LINGO1: variants seen among roughly 807,000 people sequenced by gnomAD.
LINGO1 encodes the protein leucine-rich repeat and immunoglobulin-like domain-containing nogo receptor-interacting protein 1.
Under a neutral mutation model 37.3 loss-of-function variants are expected in LINGO1, and 11 were observed. That is an observed-to-expected ratio of 0.29 (90% CI 0.19 to 0.49). The LOEUF is 0.49. Among genes scored for constraint, LINGO1 ranks in the 20% least tolerant of loss-of-function variants. LINGO1 has a pLI of 0.99. For synonymous variants in LINGO1, 387 were observed against 403.0 expected (o/e 0.96, Z 0.48); for missense variants, 585 against 878.2 (o/e 0.67, Z 4.22).
At chr15:77,699,978 C>G (rs1313700052), upstream of LINGO1, among the ~76,000 whole-genome samples, 3 of 152,190 alleles carry the variant, frequency 2.0e-5, no homozygotes, top group East Asian at 5.8e-4. Context: ...TGACAGATGC[C>G]TCAGGGTGCA....
At chr15:77,701,746 C>T (rs528959457) in intron 2 of LINGO1, among the ~76,000 whole-genome samples, 1 of 152,308 alleles carries the variant, frequency 6.6e-6, no homozygotes, top group East Asian at 1.9e-4. Flanking sequence ...TCATGCGATG[C>T]CAGCTCCCCT....
intron 2 of LINGO1, among the ~76,000 whole-genome samples, chr15:77,712,275 T>G (rs1222817976): frequency 6.6e-6 from 1 of 151,476 alleles, no homozygotes; most frequent in Non-Finnish European, 1.5e-5. Context: ...GCCCTCCAGC[T>G]CCTCTCCTTA....
chr15:77,697,052 G>T (rs1567529954), upstream of LINGO1, among the ~76,000 whole-genome samples: 1 of 152,272 alleles, frequency 6.6e-6, no homozygotes, highest in African/African-American at 2.4e-5. Flanking sequence ...CCAGGTCAGA[G>T]GAGCAGAGAG....
At chr15:77,625,093 TG>T (rs1410665986) in intron 1 of LINGO1, among the ~76,000 whole-genome samples, 1 of 152,104 alleles carries the variant, frequency 6.6e-6, no homozygotes, top group Non-Finnish European at 1.5e-5. Context: ...CCTCTCTATT[TG>T]GGAACAGCTC....
intron 1 of LINGO1, among the ~76,000 whole-genome samples, chr15:77,750,022 T>G (rs1268712447): frequency 6.6e-6 from 1 of 152,076 alleles, no homozygotes; most frequent in Non-Finnish European, 1.5e-5. Context: ...ACACATGGAT[T>G]TGAACCTGGG....
upstream of LINGO1, among the ~76,000 whole-genome samples, chr15:77,699,898 T>C (rs570206435): frequency 9.2e-5 from 14 of 152,302 alleles, no homozygotes; most frequent in African/African-American, 3.4e-4. Context: ...AACCAGCTGT[T>C]AGCAATGTGA....
At chr15:77,654,893 C>T (rs1773102790) in intron 3 of LINGO1, among the ~76,000 whole-genome samples, 1 of 152,192 alleles carries the variant, frequency 6.6e-6, no homozygotes, top group East Asian at 1.9e-4. Context: ...CTATTGGAGG[C>T]ACCAGCCAGA....
intron 3 of LINGO1, among the ~76,000 whole-genome samples, chr15:77,642,781 C>T (rs1230060113): frequency 6.6e-6 from 1 of 152,234 alleles, no homozygotes; most frequent in Non-Finnish European, 1.5e-5. Context: ...CTTCCCTTCT[C>T]CCAGAGGAAA....
chr15:77,779,927 G>A (rs2076698834), intron 1 of LINGO1, among the ~76,000 whole-genome samples: 1 of 152,202 alleles, frequency 6.6e-6, no homozygotes, highest in African/African-American at 2.4e-5. Context: ...CTGGAACCCA[G>A]TGGTGAGCCA....
At chr15:77,661,624 C>T (rs2074995501) in intron 3 of LINGO1, among the ~76,000 whole-genome samples, 1 of 152,370 alleles carries the variant, frequency 6.6e-6, no homozygotes, top group Admixed American at 6.5e-5. Context: ...AAGACCTTCT[C>T]TGGCCCGAGG....
rs753715657 is a variant in LINGO1, at chr15:77,614,001, CCCCTGCCCGGCCGCCCGGGGGT to C, written c.*21_*42del. Reference sequence around the variant, plus strand: ...TGAGCAGGTGGCGGCCAGGCCCCTTCCCCTGCCCGGCCGCCCGGGGGTCCCTGCCCCCCGCCCCGGCCTCATA... The same window carrying C: ...TGAGCAGGTGGCGGCCAGGCCCCTTCCCCTGCCCCCCGCCCCGGCCTCATA... On this transcript the variant is annotated 3_prime_UTR_variant, in exon 2 of 2. Coordinates refer to ENST00000355300, the MANE Select transcript of LINGO1 (RefSeq NM_032808.7). The C allele has an allele frequency of 5.3e-6, 8 of 1,502,152 alleles. No homozygotes were observed. The highest frequency in any genetic ancestry group is 2.8e-5 in the African/African-American group (2 of 71,866). 93.1% of individuals were successfully genotyped at this position (1,502,152 alleles called of 1,614,324 possible).
At position 77,614,668 on chromosome 15, in the gene LINGO1, C is replaced by G; in HGVS notation, c.1239G>C (p.Val413=). 6.2e-7 allele frequency: 1 copy of G among 1,612,038 alleles called. No individual in the cohort carries two copies. Among genetic ancestry groups the G allele is most frequent in the South Asian group, 1.1e-5 (1 of 90,754 alleles). ...QGKEFKDFPD[V]LLPNYFTCRR... is the part of the protein sequence containing the mutation. Reference sequence around the variant, plus strand: ...GGCAGGTGAAGTAGTTGGGCAGTAGCACATCAGGGAAGTCCTTGAACTCCT... The same window carrying G: ...GGCAGGTGAAGTAGTTGGGCAGTAGGACATCAGGGAAGTCCTTGAACTCCT... The change falls in exon 2 of 2, where the codon GTG becomes GTC. Residue 413 remains valine (V), a synonymous_variant. Coordinates refer to ENST00000355300, the MANE Select transcript of LINGO1 (RefSeq NM_032808.7).
intron 2 of LINGO1, among the ~76,000 whole-genome samples, chr15:77,677,982 T>TC (rs1438489618): frequency 2.0e-5 from 3 of 151,650 alleles, no homozygotes; most frequent in Non-Finnish European, 4.4e-5. Flanking sequence ...CACCCTCACC[T>TC]CCCCTCCAGA....
intron 2 of LINGO1, among the ~76,000 whole-genome samples, chr15:77,734,004 G>A (rs759704226): frequency 1.1e-4 from 16 of 152,182 alleles, no homozygotes; most frequent in Non-Finnish European, 1.8e-4. Flanking sequence ...TCAGGAGGAT[G>A]AGCTACGAGG....
intron 2 of LINGO1, among the ~76,000 whole-genome samples, chr15:77,715,353 C>T (rs1281956814): frequency 1.3e-5 from 2 of 152,186 alleles, no homozygotes; most frequent in African/African-American, 4.8e-5. Flanking sequence ...TTGGGCCCAG[C>T]CTGAATATCA....
At chr15:77,643,591 G>A (rs1295958475) in intron 3 of LINGO1, among the ~76,000 whole-genome samples, 2 of 152,196 alleles carry the variant, frequency 1.3e-5, no homozygotes, top group Non-Finnish European at 2.9e-5. Context: ...CCATTCTCGG[G>A]CATGCCATGC....
chr15:77,709,829 A>G (rs979013922), intron 2 of LINGO1, among the ~76,000 whole-genome samples: 1 of 152,252 alleles, frequency 6.6e-6, no homozygotes, highest in Non-Finnish European at 1.5e-5. Flanking sequence ...GCCCTGGTAC[A>G]GTGAAGGGCA....
intron 1 of LINGO1, chr15:77,696,382 A>T (rs2075694100): frequency 6.6e-6 from 1 of 152,232 alleles, no homozygotes; most frequent in Admixed American, 6.5e-5. Context: ...GCCTGGAATG[A>T]TGCCAGACCT....
At chr15:77,781,818 T>C (rs1475954725) in intron 1 of LINGO1, among the ~76,000 whole-genome samples, 2 of 152,226 alleles carry the variant, frequency 1.3e-5, no homozygotes, top group Non-Finnish European at 2.9e-5. Flanking sequence ...ATTTCATTCA[T>C]GCTTCGCACA....
Sources: gnomAD v4.1 joint callset for allele counts (sites outside exome capture counted in the v4.1 genomes callset) on GRCh38, gnomAD v4.1.1 for gene constraint, MANE v1.5 for transcripts, NCBI Gene and HGNC (gene_info 2026-07-23, HGNC 2026-07-21) for gene names.